ZNF423: variants seen among roughly 807,000 people sequenced by gnomAD.
The protein encoded by ZNF423 is Ebf-associated zinc finger protein.
Under a neutral mutation model 95.8 loss-of-function variants are expected in ZNF423, and 12 were observed. That is an observed-to-expected ratio of 0.13 (90% confidence interval 0.08 to 0.20). The LOEUF (loss-of-function observed/expected upper bound fraction) is 0.20. Among genes scored for constraint, ZNF423 ranks in the 10% least tolerant of loss-of-function variants. The pLI is 1.00. For missense variants in ZNF423, 1,316 were observed against 1,737.1 expected (o/e 0.76, Z 4.31); for synonymous variants, 749 against 711.9 (o/e 1.05, Z -0.83).
chr16:49,542,830 T>C (rs1426457273), intron 5 of ZNF423, among the ~76,000 whole-genome samples: 1 of 152,092 alleles, frequency 6.6e-6, no homozygotes, highest in African/African-American at 2.4e-5. Context: ...AGGAGCCAGG[T>C]CAGCGGAAAC....
At chr16:49,620,320 G>A (rs990810586) in intron 5 of ZNF423, among the ~76,000 whole-genome samples, 22 of 152,104 alleles carry the variant, frequency 1.4e-4, no homozygotes, top group African/African-American at 5.1e-4. Flanking sequence ...GGGAGGGCTG[G>A]GGACAAGAGG....
intron 5 of ZNF423, among the ~76,000 whole-genome samples, chr16:49,575,006 G>T (rs1970452804): frequency 6.6e-6 from 1 of 152,070 alleles, no homozygotes; most frequent in Non-Finnish European, 1.5e-5. Context: ...TGCCCATGGA[G>T]CCCCTCCTGC....
At chr16:49,702,568 C>T (rs1233438250) in intron 3 of ZNF423, among the ~76,000 whole-genome samples, 1 of 152,154 alleles carries the variant, frequency 6.6e-6, no homozygotes, top group Non-Finnish European at 1.5e-5. Flanking sequence ...CTGGCGGGCC[C>T]CTCACCTCCA....
chr16:49,514,204 A>ACACG (rs1968028685), intron 7 of ZNF423, among the ~76,000 whole-genome samples: 2 of 54,930 alleles, frequency 3.6e-5, no homozygotes, highest in South Asian at 8.3e-4. Flanking sequence ...ACACACACAC[A>ACACG]CACACACATG....
chr16:49,793,791 A>T (rs180865305), intron 1 of ZNF423, among the ~76,000 whole-genome samples: 1 of 152,272 alleles, frequency 6.6e-6, no homozygotes, highest in East Asian at 1.9e-4. Context: ...GTATGCACAC[A>T]AGGAGGGCAT....
At chr16:49,711,502 T>C (rs981460178) in intron 3 of ZNF423, 4 of 152,210 alleles carry the variant, frequency 2.6e-5, no homozygotes, top group African/African-American at 4.8e-5. Flanking sequence ...CAATATAACA[T>C]TGTTTCTGTG....
intron 5 of ZNF423, among the ~76,000 whole-genome samples, chr16:49,589,709 T>A (rs920007769): frequency 6.6e-6 from 1 of 152,094 alleles, no homozygotes; most frequent in African/African-American, 2.4e-5. Context: ...ATATACAGGC[T>A]GCAGCACACA....
chr16:49,658,890 C>T (rs2030042830), intron 3 of ZNF423, among the ~76,000 whole-genome samples: 1 of 152,248 alleles, frequency 6.6e-6, no homozygotes, highest in Non-Finnish European at 1.5e-5. Flanking sequence ...GCTTTCTCAG[C>T]CCGAGTGGCC....
intron 5 of ZNF423, among the ~76,000 whole-genome samples, chr16:49,605,326 T>C (rs560326297): frequency 1.2e-4 from 18 of 152,344 alleles, no homozygotes; most frequent in African/African-American, 4.3e-4. Flanking sequence ...AGATGGAACT[T>C]GGGCGGGTTT....
At chr16:49,498,515 A>C (rs1280129486) in intron 7 of ZNF423, among the ~76,000 whole-genome samples, 1 of 152,186 alleles carries the variant, frequency 6.6e-6, no homozygotes, top group Non-Finnish European at 1.5e-5. Context: ...CTTGCCCTTA[A>C]ATCTGGGCCA....
At chr16:49,664,383 TGGGG>T in intron 3 of ZNF423, 12 of 751,408 alleles carry the variant, frequency 1.6e-5, no homozygotes, top group Non-Finnish European at 1.9e-5. Flanking sequence ...AAGGCACAGA[TGGGG>T]AGGGAGAGGA....
intron 5 of ZNF423, among the ~76,000 whole-genome samples, chr16:49,557,644 T>C (rs766234685): frequency 8.5e-5 from 13 of 152,176 alleles, no homozygotes; most frequent in Non-Finnish European, 1.9e-4. Context: ...CTGGAGGAGC[T>C]GCCAGGTGAT....
At chr16:49,566,875 C>G (rs1013171889) in intron 5 of ZNF423, among the ~76,000 whole-genome samples, 3 of 151,930 alleles carry the variant, frequency 2.0e-5, no homozygotes, top group Non-Finnish European at 2.9e-5. Flanking sequence ...AACCTTGAGA[C>G]AGGGTAGCCT....
intron 5 of ZNF423, among the ~76,000 whole-genome samples, chr16:49,613,994 C>T (rs908477584): frequency 4.6e-5 from 7 of 152,152 alleles, no homozygotes; most frequent in African/African-American, 1.7e-4. Context: ...TGCAAAAGCT[C>T]CTCTTAAGAT....
intron 3 of ZNF423, among the ~76,000 whole-genome samples, chr16:49,663,669 G>A (rs2030373276): frequency 6.6e-6 from 1 of 152,164 alleles, no homozygotes; most frequent in Non-Finnish European, 1.5e-5. Context: ...AAGCACTTGA[G>A]TGCAAAAACC....
chr16:49,558,010 G>A (rs1274687699), intron 5 of ZNF423, among the ~76,000 whole-genome samples: 4 of 152,256 alleles, frequency 2.6e-5, no homozygotes, highest in Non-Finnish European at 5.9e-5. Flanking sequence ...ACCACAGAGA[G>A]AGCCAACAGA....
At chr16:49,842,701 C>T (rs1212090906) in intron 1 of ZNF423, among the ~76,000 whole-genome samples, 2 of 152,062 alleles carry the variant, frequency 1.3e-5, no homozygotes, top group African/African-American at 4.8e-5. Context: ...AAAGGCTGGG[C>T]GCCGTAGCTC....
chr16:49,558,228 G>A (rs1159052890), intron 5 of ZNF423, among the ~76,000 whole-genome samples: 1 of 152,206 alleles, frequency 6.6e-6, no homozygotes, highest in African/African-American at 2.4e-5. Context: ...GATTTCACAG[G>A]TGCACTGCAT....
chr16:49,732,967 G>A (rs987474266), intron 2 of ZNF423, among the ~76,000 whole-genome samples: 5 of 152,318 alleles, frequency 3.3e-5, no homozygotes, highest in South Asian at 2.1e-4. Flanking sequence ...ATTAAGGGAT[G>A]TACAGTTTTT....
Sources: allele counts gnomAD v4.1 joint callset (sites outside exome capture counted in the v4.1 genomes callset), GRCh38; gene constraint gnomAD v4.1.1; transcripts MANE v1.5; gene names NCBI Gene and HGNC (gene_info 2026-07-23, HGNC 2026-07-21).